Variants in RNF126 observed in about 807,000 individuals in gnomAD.
The protein encoded by RNF126 is E3 ubiquitin-protein ligase RNF126.
Under a neutral mutation model 41.9 loss-of-function variants are expected in RNF126, and 20 were observed. The ratio of observed to expected loss-of-function variants is 0.48; its 90% CI spans 0.34 to 0.69. The LOEUF is 0.69. Among genes scored for constraint, RNF126 ranks in the 30% least tolerant of loss-of-function variants. The pLI, the probability that RNF126 is intolerant of heterozygous loss-of-function variation, is 0.01. For missense variants in RNF126, 433 were observed against 460.6 expected (o/e 0.94, Z 0.55); for synonymous variants, 239 against 202.9 (o/e 1.18, Z -1.51).
intron 1 of RNF126, among the ~76,000 whole-genome samples, chr19:657,344 C>T (rs2030602478): frequency 6.6e-6 from 1 of 152,260 alleles, no homozygotes; most frequent in Admixed American, 6.5e-5. Context: ...CCCGGGTTCC[C>T]GTCTCAGTCC....
At chr19:662,947 C>A in intron 1 of RNF126, 100 bp downstream of exon 1, 1 of 460,958 alleles carries the variant, frequency 2.2e-6, no homozygotes, top group South Asian at 6.1e-5. Flanking sequence ...GTGGTCAGCT[C>A]GCGCAAGAGG....
chr19:649,140 G>GC (rs1222219705), intron 6 of RNF126, 165 bp from the exon 7 acceptor site: 13 of 287,736 alleles, frequency 4.5e-5, no homozygotes, highest in Middle Eastern at 1.0e-3. Context: ...AGCCCACGCG[G>GC]CCCCCCCGCT....
At chr19:662,603 G>A (rs1465604764) in intron 1 of RNF126, among the ~76,000 whole-genome samples, 1 of 152,120 alleles carries the variant, frequency 6.6e-6, no homozygotes, top group African/African-American at 2.4e-5. Context: ...CGTTATTCTC[G>A]GGGTCCGAGC....
In RNF126 at chr19:654,994, A is replaced by G. The variant is rs915507308; in HGVS notation, c.76-2110T>C. On this transcript the variant is annotated intron_variant, in intron 1 of 8. Transcript: ENST00000292363. Reference sequence around the variant, plus strand: ...GGAAAAAAAAAAGTGCTTACAACTCAAAAGAAAGAAAGAAAGAAAGAAAAA... The same window carrying G: ...GGAAAAAAAAAAGTGCTTACAACTCGAAAGAAAGAAAGAAAGAAAGAAAAA... Among the ~76,000 whole-genome samples, 4 of 150,558 alleles carry G rather than the reference A, an allele frequency of 2.7e-5. No homozygotes were observed. The East Asian group carries it at 5.8e-4, about 22-fold the overall frequency.
intron 1 of RNF126, 53 bp downstream of exon 1, chr19:662,994 C>T (rs1254271983): frequency 3.0e-6 from 3 of 996,122 alleles, no homozygotes; most frequent in African/African-American, 3.5e-5. Context: ...CCCGGCCTTG[C>T]CTCAGGCCTG....
chr19:648,352 CGGGTGG>C lies in RNF126; in HGVS notation c.786+14_786+19del. 9.7e-7 allele frequency: 1 copy of C among 1,025,974 alleles called. No homozygotes were observed. The highest frequency in any genetic ancestry group is 1.2e-6 in the Non-Finnish European group (1 of 821,746). 63.6% of individuals were successfully genotyped at this position (1,025,974 alleles called of 1,614,324 possible). On this transcript the variant is annotated intron_variant, in intron 8 of 8. Transcript: ENST00000292363. Reference sequence around the variant, plus strand: ...GAGGGCCGCGGTCGGGGTGGGGGGGCGGGTGGGCGGGGCACTCACCTGCTCCAGCCA... The same window carrying C: ...GAGGGCCGCGGTCGGGGTGGGGGGGCGCGGGGCACTCACCTGCTCCAGCCA...
rs2285751 is a variant in RNF126 at position 651,852 on chromosome 19, C to T, written c.202G>A (p.Val68Met). 0.054 allele frequency: 86,497 copies of T among 1,606,196 alleles called. 2,634 individuals are homozygous for T. Among genetic ancestry groups the T allele is most frequent in the East Asian group, 0.13 (5,665 of 44,600 alleles). The stretch of plus-strand genomic sequence containing the variant: ...GGCAGCGTGAACAGGTGCTGGTCCA[C>T]GTGCTGGGGAGAGGAGGGGGGCGTG... ...TDQSRPPLEH[V>M]DQHLFTLPQG... The change falls in exon 4 of 9, where the codon GTG becomes ATG. Residue 68 changes from valine to methionine, a missense_variant. Physicochemically the swap from Val to Met is conservative, Grantham distance 21. Around this residue, in one of 5 missense-constraint regions of RNF126, gnomAD observed 247 missense variants for 224.7 expected, o/e 1.10. Transcript: ENST00000292363.
At chr19:649,597 G>A in intron 6 of RNF126, 82 bp downstream of exon 6, 1 of 1,153,006 alleles carries the variant, frequency 8.7e-7, no homozygotes, top group East Asian at 2.6e-5. Flanking sequence ...GGGCTTCGTG[G>A]GTCCAGGCAG....
At chr19:655,431 A>G (rs2144768477) in intron 1 of RNF126, among the ~76,000 whole-genome samples, 1 of 151,902 alleles carries the variant, frequency 6.6e-6, no homozygotes, top group African/African-American at 2.4e-5. Context: ...GCTTGCAGTG[A>G]GCCGAGATCG....
intron 1 of RNF126, among the ~76,000 whole-genome samples, chr19:660,165 C>A (rs1409368014): frequency 6.6e-6 from 1 of 152,254 alleles, no homozygotes; most frequent in Non-Finnish European, 1.5e-5. Context: ...CCTCACGAGT[C>A]ACCAGGAGAG....
chr19:652,548 C>T (rs1347161340), intron 2 of RNF126: 33 of 602,196 alleles, frequency 5.5e-5, no homozygotes, highest in South Asian at 4.7e-4. Context: ...GCCCCCGTGG[C>T]CCCTTCCCCG....
chr19:652,227 A>G lies in RNF126; in HGVS notation c.198+6T>C. On this transcript the variant is annotated splice_donor_region_variant and intron_variant, in intron 3 of 8. Coordinates refer to ENST00000292363, the MANE Select transcript of RNF126 (RefSeq NM_194460.3). ...GATCGGGAAGCACGAGGGGCGGGCG[A>G]CTCACCTCCAACGGTGGCCGGCTCT... is the stretch of plus-strand genomic sequence containing the variant. The G allele has an allele frequency of 1.3e-6, 2 of 1,519,592 alleles. No homozygotes were observed. Among genetic ancestry groups the G allele is most frequent in the East Asian group, 2.5e-5 (1 of 40,154 alleles). The allele number at this position is 1,519,592 out of a possible 1,614,324, so 94.1% of individuals were successfully genotyped here. A position where few individuals can be genotyped will look rare whatever the true frequency, so the allele number is the denominator to read the frequency against.
chr19:657,287 T>C (rs2030600703), intron 1 of RNF126, among the ~76,000 whole-genome samples: 1 of 152,204 alleles, frequency 6.6e-6, no homozygotes, highest in African/African-American at 2.4e-5. Flanking sequence ...CTGGTCCCCA[T>C]GTGCCGAGCT....
chr19:649,220 TGG>T (rs67039359), intron 6 of RNF126: 5 of 125,672 alleles, frequency 4.0e-5, no homozygotes, highest in African/African-American at 9.4e-5. Flanking sequence ...GACAGCGGAA[TGG>T]GGGGGGGGGC....
rs2144776887 is a variant in RNF126, at chr19:659,981, T to C, written c.75+3066A>G. Among the ~76,000 whole-genome samples, 1 of 152,262 alleles carries C rather than the reference T, an allele frequency of 6.6e-6. No individual in the cohort carries two copies. Among genetic ancestry groups the C allele is most frequent in the South Asian group, 2.1e-4 (1 of 4,826 alleles). On this transcript the variant is annotated intron_variant, in intron 1 of 8. Transcript: ENST00000292363. This position sits in a 1 kb window ranked among gnomAD's most constrained non-coding sequence, Gnocchi z 4.9. Reference sequence around the variant, plus strand: ...GGTTTTACCATGTTAGCCAGGCTGGTCTCGAACTCCTGACCTCAGGTGATC... The same window carrying C: ...GGTTTTACCATGTTAGCCAGGCTGGCCTCGAACTCCTGACCTCAGGTGATC...
In RNF126 at chr19:651,656, G is replaced by A. The variant is rs1260597239; in HGVS notation, c.398C>T (p.Thr133Met). 5.2e-6 allele frequency: 8 copies of A among 1,536,180 alleles called. No homozygotes were observed. The highest frequency in any genetic ancestry group is 2.4e-5 in the East Asian group (1 of 41,218). The part of the protein sequence containing the change: ...GARQPRARLT[T>M]RRATGRHEGV... ...TTCGTGCCGGCCGGTGGCCCGCCGC[G>A]TGGTGAGGCGGGCGCGGGGCTGTCG... The change falls in exon 4 of 9, where the codon ACG becomes ATG. Residue 133 changes from threonine (T) to methionine (M), a missense_variant. Thr to Met is a moderately conservative substitution (Grantham distance 81). Around this residue, in one of 5 missense-constraint regions of RNF126, gnomAD observed 247 missense variants for 224.7 expected, o/e 1.10. Transcript: ENST00000292363.
At chr19:655,561 G>A (rs1466302680) in intron 1 of RNF126, among the ~76,000 whole-genome samples, 3 of 151,968 alleles carry the variant, frequency 2.0e-5, no homozygotes, top group South Asian at 2.1e-4. Context: ...AAACGCAGCC[G>A]GCCAGCCCCA....
intron 1 of RNF126, among the ~76,000 whole-genome samples, chr19:660,415 C>G (rs1018095748): frequency 1.3e-5 from 2 of 152,226 alleles, no homozygotes; most frequent in Non-Finnish European, 2.9e-5. Flanking sequence ...GGCAGCCAGT[C>G]CCCCCTGCGT....
chr19:657,855 C>T (rs1293913047), intron 1 of RNF126, among the ~76,000 whole-genome samples: 4 of 152,134 alleles, frequency 2.6e-5, no homozygotes, highest in Non-Finnish European at 4.4e-5. Context: ...TGCTGGCCGA[C>T]GGTGGGAGGG....
Sources: gnomAD v4.1 joint callset for allele counts (sites outside exome capture counted in the v4.1 genomes callset) on GRCh38, gnomAD v4.1.1 for gene constraint, gnomAD v4.1.1 regional missense constraint, Gnocchi (gnomAD v3.1) non-coding constraint, MANE v1.5 for transcripts, NCBI Gene and HGNC (gene_info 2026-07-23, HGNC 2026-07-21) for gene names.